The following FHL2 variants were observed in gnomAD, a reference collection of about 807,000 sequenced individuals.
FHL2 encodes four and a half LIM domains 2.
In FHL2, 20 loss-of-function variants were observed where a neutral mutation model predicts 32.7. That is an observed-to-expected ratio of 0.61 (90% CI 0.43 to 0.89). FHL2 has a LOEUF of 0.89. Among genes scored for constraint, FHL2 ranks in the 40% least tolerant of loss-of-function variants. The pLI, the probability that FHL2 is intolerant of heterozygous loss-of-function variation, is 0.00. For synonymous variants in FHL2, 123 were observed against 128.1 expected (o/e 0.96, Z 0.27); for missense variants, 311 against 358.6 (o/e 0.87, Z 1.07).
intron 2 of FHL2, among the ~76,000 whole-genome samples, chr2:105,390,798 A>AT (rs66618223): frequency 0.09 from 12,875 of 142,974 alleles, 938 homozygotes; most frequent in African/African-American, 0.2. Flanking sequence ...TATAACTTGC[A>AT]TTTTTTTTTT....
Position 105,432,535 on chromosome 2 carries a change from C to T in FHL2, c.-25+5864G>A, listed in dbSNP as rs114112757. The stretch of plus-strand genomic sequence containing the variant: ...TAAAGAGAGCAAAATATTACAGTTT[C>T]CTAGTAAGTTAATTAAAAGATTCTG... On this transcript the variant is annotated intron_variant, in intron 1 of 5. Coordinates refer to the FHL2 transcript ENST00000393352. Among the ~76,000 whole-genome samples, 1,229 of 152,256 alleles carry T rather than the reference C, an allele frequency of 8.1e-3. 23 individuals carry two copies. The highest frequency in any genetic ancestry group is 0.028 in the African/African-American group (1,180 of 41,530).
intron 6 of FHL2, among the ~76,000 whole-genome samples, chr2:105,361,919 G>T (rs1338991862): frequency 6.6e-6 from 1 of 152,188 alleles, no homozygotes; most frequent in Non-Finnish European, 1.5e-5. Context: ...AGGGGAGAGG[G>T]ATATTGTCGC....
chr2:105,432,365 T>C lies in FHL2; in HGVS notation c.-25+6034A>G, dbSNP rs144681789. 4.6e-5 allele frequency among the ~76,000 whole-genome samples: 7 copies of C among 152,340 alleles called. No individual in the cohort carries two copies. In the East Asian group the frequency reaches 1.2e-3, roughly 25 times the overall value. ...TTATTTTTTCTCTGAACCTAACTGA[T>C]TTGACTGTCTTGTTTGACCTCTGTC... On this transcript the variant is annotated intron_variant, in intron 1 of 5. Coordinates refer to the FHL2 transcript ENST00000393352.
intron 1 of FHL2, 146 bp from the exon 2 acceptor site, chr2:105,396,843 T>C: frequency 1.5e-6 from 1 of 687,170 alleles, no homozygotes; most frequent in Non-Finnish European, 2.4e-6. Context: ...ATGTCTAATG[T>C]TTCCATTCAC....
chr2:105,363,580 T>A, intron 5 of FHL2, 109 bp from the exon 6 acceptor site: 1 of 1,035,928 alleles, frequency 9.7e-7, no homozygotes. Context: ...AACGTCCAGT[T>A]TGTTAAGTCA....
At chr2:105,420,154 G>A (rs962245478) in intron 1 of FHL2, among the ~76,000 whole-genome samples, 3 of 152,302 alleles carry the variant, frequency 2.0e-5, no homozygotes, top group Admixed American at 6.5e-5. Flanking sequence ...TTTGGAAGCT[G>A]GAAGTCCAAG....
At chr2:105,404,546 G>A (rs987421783) in intron 1 of FHL2, among the ~76,000 whole-genome samples, 4 of 152,134 alleles carry the variant, frequency 2.6e-5, no homozygotes, top group Non-Finnish European at 4.4e-5. Flanking sequence ...ATGACTCTAC[G>A]GGCAGGGTAT....
At chr2:105,392,801 A>C (rs1682819773) in intron 2 of FHL2, among the ~76,000 whole-genome samples, 1 of 145,070 alleles carries the variant, frequency 6.9e-6, no homozygotes, top group Non-Finnish European at 1.5e-5. Flanking sequence ...AGGACCCTGC[A>C]TGCCAGGAAG....
intron 1 of FHL2, among the ~76,000 whole-genome samples, chr2:105,398,614 G>T (rs977023939): frequency 1.3e-5 from 2 of 152,204 alleles, no homozygotes; most frequent in Non-Finnish European, 1.5e-5. Context: ...CTCCCTCTGG[G>T]GATGAGTCGG....
At chr2:105,402,702 G>A (rs1683512494), upstream of FHL2, among the ~76,000 whole-genome samples, 1 of 152,200 alleles carries the variant, frequency 6.6e-6, no homozygotes, top group East Asian at 1.9e-4. Flanking sequence ...ATGCTTTCAT[G>A]AGCAATTCCA....
chr2:105,431,987 C>T (rs1684450226), intron 1 of FHL2, among the ~76,000 whole-genome samples: 1 of 152,218 alleles, frequency 6.6e-6, no homozygotes, highest in African/African-American at 2.4e-5. Context: ...AAGGGTTTAT[C>T]AGTCCTTCTA....
At chr2:105,433,819 T>C (rs917444053) in intron 1 of FHL2, among the ~76,000 whole-genome samples, 1 of 152,256 alleles carries the variant, frequency 6.6e-6, no homozygotes, top group Non-Finnish European at 1.5e-5. Flanking sequence ...CTATTCCAGA[T>C]TCTTTATGAA....
At chr2:105,394,244 A>G (rs1386560586) in intron 2 of FHL2, among the ~76,000 whole-genome samples, 1 of 152,148 alleles carries the variant, frequency 6.6e-6, no homozygotes, top group Non-Finnish European at 1.5e-5. Context: ...GAGGGCCATC[A>G]TGTCAAGGAA....
chr2:105,420,744 C>T (rs147356188), intron 1 of FHL2, among the ~76,000 whole-genome samples: 382 of 152,212 alleles, frequency 2.5e-3, no homozygotes, highest in Middle Eastern at 6.8e-3. Context: ...GATAATCAGG[C>T]ATTAGATTCT....
intron 3 of FHL2, chr2:105,373,976 G>C (rs1681285983): frequency 1.9e-6 from 1 of 537,758 alleles, no homozygotes. Context: ...GCACATGTCT[G>C]TGTGTGAGAG....
At chr2:105,410,931 A>T (rs1201477586) in intron 1 of FHL2, among the ~76,000 whole-genome samples, 1 of 152,208 alleles carries the variant, frequency 6.6e-6, no homozygotes, top group African/African-American at 2.4e-5. Context: ...CATAGAGCCA[A>T]CCTCAGTTGA....
chr2:105,399,305 G>GCT (rs1267520256), upstream of FHL2: 4 of 1,535,740 alleles, frequency 2.6e-6, no homozygotes, highest in Non-Finnish European at 3.5e-6. Context: ...TCCGGCGTGG[G>GCT]CTCTCGGGCG....
intron 3 of FHL2, among the ~76,000 whole-genome samples, chr2:105,381,696 A>G (rs1681898930): frequency 6.6e-6 from 1 of 152,302 alleles, no homozygotes; most frequent in Admixed American, 6.5e-5. Context: ...TTTGTCTTTT[A>G]GGAGGAAATC....
At chr2:105,390,938 G>A (rs890167221) in intron 2 of FHL2, among the ~76,000 whole-genome samples, 3 of 151,252 alleles carry the variant, frequency 2.0e-5, no homozygotes, top group South Asian at 2.1e-4. Flanking sequence ...CTGGGATTAC[G>A]GGCACACGCC....
Sources: gnomAD v4.1 joint callset for allele counts (sites outside exome capture counted in the v4.1 genomes callset) on GRCh38, gnomAD v4.1.1 for gene constraint, MANE v1.5 for transcripts, NCBI Gene and HGNC (gene_info 2026-07-23, HGNC 2026-07-21) for gene names.